Variants in SLC39A8 observed in about 807,000 individuals in gnomAD.
SLC39A8 encodes the protein solute carrier family 39 member 8.
Under a neutral mutation model 40.4 loss-of-function variants are expected in SLC39A8, and 15 were observed. The ratio of observed to expected loss-of-function variants is 0.37; its 90% CI spans 0.25 to 0.57. The LOEUF is 0.57. Among genes scored for constraint, SLC39A8 ranks in the 20% least tolerant of loss-of-function variants. The pLI, the probability that SLC39A8 is intolerant of heterozygous loss-of-function variation, is 0.75. For synonymous variants in SLC39A8, 223 were observed against 221.6 expected, an observed-to-expected ratio of 1.01 and a Z score of -0.06; for missense variants, 472 against 558.8, an observed-to-expected ratio of 0.84 and a Z score of 1.57.
intron 6 of SLC39A8, among the ~76,000 whole-genome samples, chr4:102,303,775 T>C (rs534948836): frequency 6.6e-6 from 1 of 151,932 alleles, no homozygotes; most frequent in Admixed American, 6.6e-5. Context: ...GAGTAGTTGT[T>C]ATAAAAAGTA....
intron 6 of SLC39A8, among the ~76,000 whole-genome samples, chr4:102,279,007 G>A (rs375141155): frequency 6.6e-6 from 1 of 151,942 alleles, no homozygotes; most frequent in African/African-American, 2.4e-5. Context: ...GGGGTGGGGG[G>A]CAAGGGGAGG....
intron 8 of SLC39A8, among the ~76,000 whole-genome samples, chr4:102,267,264 C>G (rs1272322936): frequency 2.0e-5 from 3 of 152,130 alleles, no homozygotes; most frequent in African/African-American, 7.2e-5. Flanking sequence ...ATTTCACCTT[C>G]AAACAATACG....
At chr4:102,261,365 C>G (rs751831955), downstream of SLC39A8, among the ~76,000 whole-genome samples, 1 of 152,150 alleles carries the variant, frequency 6.6e-6, no homozygotes, top group Non-Finnish European at 1.5e-5. Context: ...AACTAGTTCA[C>G]TTTTTAAAAA....
intron 6 of SLC39A8, among the ~76,000 whole-genome samples, chr4:102,293,231 T>G (rs440702): frequency 0.17 from 26,097 of 151,878 alleles, 2,649 homozygotes; most frequent in Non-Finnish European, 0.24. Context: ...AATTCAACAC[T>G]GAGAAAAATG....
rs1399519798 is a variant in SLC39A8, at chr4:102,320,244, AAT to A, written c.220-4416_220-4415del. 1.2e-4 allele frequency among the ~76,000 whole-genome samples: 16 copies of A among 135,612 alleles called. No individual in the cohort carries two copies. In the East Asian group the frequency reaches 1.7e-3, roughly 14 times the overall value. The allele number at this position is 135,612 out of a possible 152,430, so 89.0% of individuals were successfully genotyped here. On this transcript the variant is annotated intron_variant, in intron 2 of 8. Transcript: ENST00000356736. ...ATATGTATGAGTATATATATATGAG[AAT>A]ATATATATGAGTATATATATGAGAA...
chr4:102,313,142 T>C (rs548296221), intron 3 of SLC39A8, among the ~76,000 whole-genome samples: 1 of 152,280 alleles, frequency 6.6e-6, no homozygotes, highest in South Asian at 2.1e-4. Flanking sequence ...TTCTATGCTT[T>C]GTATATATAA....
chr4:102,337,063 T>C (rs996395949), intron 2 of SLC39A8, among the ~76,000 whole-genome samples: 1 of 152,134 alleles, frequency 6.6e-6, no homozygotes, highest in Admixed American at 6.5e-5. Flanking sequence ...GGAATACAAG[T>C]AACTTGCAAA....
exon 12 of SLC39A8, chr4:102,251,837 C>T (rs537232321): frequency 5.9e-5 from 9 of 152,316 alleles, no homozygotes; most frequent in African/African-American, 2.2e-4. Flanking sequence ...ACAGGGAGGC[C>T]ATCTCCCATG....
intron 6 of SLC39A8, among the ~76,000 whole-genome samples, chr4:102,279,755 C>T (rs1171454962): frequency 6.6e-6 from 1 of 151,936 alleles, no homozygotes; most frequent in African/African-American, 2.4e-5. Context: ...TTGCTGGGGA[C>T]CAATATTTTA....
chr4:102,327,529 C>T (rs1735266687), intron 2 of SLC39A8, among the ~76,000 whole-genome samples: 1 of 152,218 alleles, frequency 6.6e-6, no homozygotes, highest in African/African-American at 2.4e-5. Flanking sequence ...TCTTCACTGC[C>T]TAATATTGCT....
chr4:102,268,133 TACAG>T lies in SLC39A8; in HGVS notation c.841-58_841-55del, dbSNP rs555081607. 23 of 1,589,954 alleles carry T rather than the reference TACAG, an allele frequency of 1.4e-5. 1 individual carries two copies. Among genetic ancestry groups the T allele is most frequent in the African/African-American group, 1.3e-4 (10 of 74,520 alleles). Reference sequence around the variant, plus strand: ...CAACATTTCTTGAAAGTCTCAGAAATACAGACAAGTTGGAGATGGGTTGTGCTTG... The same window carrying T: ...CAACATTTCTTGAAAGTCTCAGAAATACAAGTTGGAGATGGGTTGTGCTTG... On this transcript the variant is annotated intron_variant, in intron 6 of 8. Transcript: ENST00000356736.
Position 102,262,931 on chromosome 4 carries a change from CAGTT to C in SLC39A8, c.*109_*112del. The C allele has an allele frequency of 7.0e-7, 1 of 1,434,872 alleles. No individual in the cohort carries two copies. The highest frequency in any genetic ancestry group is 2.4e-5 in the East Asian group (1 of 41,120). The allele number at this position is 1,434,872 out of a possible 1,614,324, so 88.9% of individuals were successfully genotyped here. A position where few individuals can be genotyped will look rare whatever the true frequency, so the allele number is the denominator to read the frequency against. Reference sequence around the variant, plus strand: ...GCCAATAATTAGTTTTCTGGACCTACAGTTGAAAGCAAAATTATCTTTTTAACTA... The same window carrying C: ...GCCAATAATTAGTTTTCTGGACCTACGAAAGCAAAATTATCTTTTTAACTA... On this transcript the variant is annotated 3_prime_UTR_variant, in exon 9 of 9. Coordinates refer to ENST00000356736, the MANE Select transcript of SLC39A8 (RefSeq NM_001135146.2).
At chr4:102,305,207 G>T in intron 4 of SLC39A8, 96 bp from the exon 5 acceptor site, 1 of 1,275,462 alleles carries the variant, frequency 7.8e-7, no homozygotes, top group Non-Finnish European at 1.1e-6. Context: ...AATGTTCTAA[G>T]TCTCTCTTCA....
At chr4:102,253,843 G>A (rs545762805) in intron 11 of SLC39A8, among the ~76,000 whole-genome samples, 21 of 152,106 alleles carry the variant, frequency 1.4e-4, no homozygotes, top group African/African-American at 3.1e-4. Context: ...TATAGTGTGC[G>A]TACCGCTGAG....
chr4:102,251,682 G>A (rs149178973), exon 12 of SLC39A8: 35 of 152,390 alleles, frequency 2.3e-4, no homozygotes, highest in African/African-American at 8.2e-4. Flanking sequence ...TTCTATACTG[G>A]TTGCACAAAG....
At chr4:102,259,601 C>T (rs373721282), downstream of SLC39A8, 47 of 1,040,718 alleles carry the variant, frequency 4.5e-5, no homozygotes, top group Non-Finnish European at 6.1e-5. Context: ...AATCTAGCCC[C>T]GCCATGGCTT....
intron 6 of SLC39A8, among the ~76,000 whole-genome samples, chr4:102,287,017 T>G (rs748627608): frequency 6.6e-6 from 1 of 152,166 alleles, no homozygotes; most frequent in African/African-American, 2.4e-5. Flanking sequence ...AGGGAGTCAC[T>G]GTACTTAACT....
At position 102,307,439 on chromosome 4, in the gene SLC39A8, T is replaced by C. The variant is rs778875367; in HGVS notation, c.549A>G (p.Pro183=). The C allele has an allele frequency of 3.1e-6, 5 of 1,613,032 alleles. No individual in the cohort carries two copies. The African/African-American group carries it at 5.3e-5, about 17-fold the overall frequency. Residue 183 remains proline (P), a synonymous_variant, in exon 4 of 9, where the codon CCA becomes CCG. Transcript: ENST00000356736. ...LFSNAIFQLI[P]EAFGFDPKVD... The stretch of plus-strand genomic sequence containing the variant: ...AACAAATAGCCAACATCCTTACCTC[T>C]GGAATAAGTTGGAAAATTGCATTTG...
chr4:102,290,746 C>T (rs233810), intron 6 of SLC39A8, among the ~76,000 whole-genome samples: 26,836 of 151,896 alleles, frequency 0.18, 2,650 homozygotes, highest in Middle Eastern at 0.23. Context: ...CGCTAGTCAA[C>T]GTGAACCACA....
Sources: gnomAD v4.1 joint callset for allele counts (sites outside exome capture counted in the v4.1 genomes callset) on GRCh38, gnomAD v4.1.1 for gene constraint, MANE v1.5 for transcripts, NCBI Gene and HGNC (gene_info 2026-07-23, HGNC 2026-07-21) for gene names.